NOS1: variants seen among roughly 807,000 people sequenced by gnomAD.
The protein encoded by NOS1 is NOS type I.
NOS1 carries 51 observed loss-of-function variants against 164.5 expected under a neutral mutation model. That is an observed-to-expected ratio of 0.31 (90% CI 0.25 to 0.39). The LOEUF (loss-of-function observed/expected upper bound fraction) is 0.39, where lower values mean the gene tolerates loss of function less well. Ranked by LOEUF, NOS1 falls within the 10% of genes least tolerant of loss-of-function variation. NOS1 has a pLI of 1.00. For missense variants in NOS1, 1,362 were observed against 1,885.6 expected (o/e 0.72, Z 5.14); for synonymous variants, 719 against 745.8 (o/e 0.96, Z 0.59).
chr12:117,227,378 G>GGCCCCTT (rs1310606018), intron 23 of NOS1, 53 bp downstream of exon 23: 24 of 1,570,516 alleles, frequency 1.5e-5, no homozygotes, highest in Non-Finnish European at 2.1e-5. Flanking sequence ...ACCCTCCAGA[G>GGCCCCTT]GCCCCTTGGG....
chr12:117,340,066 G>GCAA (rs1876024958), intron 1 of NOS1, among the ~76,000 whole-genome samples: 1 of 152,094 alleles, frequency 6.6e-6, no homozygotes, highest in Non-Finnish European at 1.5e-5. Context: ...GGGCAGTGGT[G>GCAA]TAATAACAGC....
chr12:117,215,581 T>C (rs1956594217), intron 28 of NOS1, among the ~76,000 whole-genome samples: 1 of 152,010 alleles, frequency 6.6e-6, no homozygotes, highest in South Asian at 2.1e-4. Flanking sequence ...TACAGGTGCC[T>C]GCCACCACGC....
At chr12:117,298,154 G>C (rs921050742) in intron 3 of NOS1, among the ~76,000 whole-genome samples, 12 of 151,910 alleles carry the variant, frequency 7.9e-5, no homozygotes, top group Admixed American at 3.3e-4. Context: ...CACTGAGCTT[G>C]TTTTCTGCAA....
intron 3 of NOS1, among the ~76,000 whole-genome samples, chr12:117,292,479 G>T (rs997840596): frequency 3.9e-5 from 6 of 152,196 alleles, no homozygotes; most frequent in African/African-American, 1.2e-4. Flanking sequence ...GATCAAATGA[G>T]CTGGATCAAA....
chr12:117,217,236 G>C (rs992893427), intron 28 of NOS1, among the ~76,000 whole-genome samples: 1 of 152,176 alleles, frequency 6.6e-6, no homozygotes, highest in Non-Finnish European at 1.5e-5. Flanking sequence ...CTGGTGGAAA[G>C]GACACAAAAA....
At chr12:117,310,932 C>T (rs1874398413) in intron 3 of NOS1, among the ~76,000 whole-genome samples, 1 of 152,118 alleles carries the variant, frequency 6.6e-6, no homozygotes, top group Non-Finnish European at 1.5e-5. Flanking sequence ...GTGGTGCAAT[C>T]TCGGCTCACT....
chr12:117,300,628 T>A (rs1873757057), intron 3 of NOS1, among the ~76,000 whole-genome samples: 1 of 151,672 alleles, frequency 6.6e-6, no homozygotes, highest in African/African-American at 2.4e-5. Flanking sequence ...TGGTGGGGGG[T>A]CTGCTGGTTT....
intron 1 of NOS1, 115 bp from the exon 2 acceptor site, chr12:117,331,604 G>C (rs1483739090): frequency 1.3e-5 from 2 of 152,666 alleles, no homozygotes; most frequent in Non-Finnish European, 2.9e-5. Flanking sequence ...ACAAAGTCTA[G>C]ACACAAGACA....
chr12:117,333,174 T>C (rs1875632141), intron 1 of NOS1, among the ~76,000 whole-genome samples: 1 of 152,144 alleles, frequency 6.6e-6, no homozygotes, highest in African/African-American at 2.4e-5. Flanking sequence ...AATTATTAGT[T>C]TGTTGCAAGT....
rs530631625 is a variant in NOS1 at position 117,346,145 on chromosome 12, A to G, written c.-420-14656T>C. On this transcript the variant is annotated intron_variant, in intron 1 of 28. Transcript: ENST00000317775. ...TGGCATGGCCCATTACAAATGAGTG[A>G]ATGAATGAGACTTCAGACACTTGGT... Among the ~76,000 whole-genome samples, 8 of 152,314 alleles carry G rather than the reference A, an allele frequency of 5.3e-5. No homozygotes were observed. The South Asian group carries it at 1.7e-3, about 32-fold the overall frequency.
intron 1 of NOS1, among the ~76,000 whole-genome samples, chr12:117,336,579 A>G (rs1177819799): frequency 6.6e-6 from 1 of 152,224 alleles, no homozygotes; most frequent in Non-Finnish European, 1.5e-5. Flanking sequence ...CTCAGAAGTC[A>G]CCACTAAAGA....
At chr12:117,242,477 C>T (rs912995254) in intron 20 of NOS1, 150 bp downstream of exon 20, 3 of 669,946 alleles carry the variant, frequency 4.5e-6, no homozygotes, top group African/African-American at 3.6e-5. Flanking sequence ...AAGCAGGAAC[C>T]CCAGACACTA....
chr12:117,256,284 G>GTTGTTTTTTTTTTTTTTTTTTTT (rs549611283), intron 16 of NOS1, among the ~76,000 whole-genome samples: 19 of 118,450 alleles, frequency 1.6e-4, no homozygotes, highest in African/African-American at 6.5e-4. Flanking sequence ...GGGATTTTCT[G>GTTGTTTTTTTTTTTTTTTTTTTT]TTTTTTTTTT....
chr12:117,286,161 C>T lies in NOS1; in HGVS notation c.1233G>A (p.Lys411=). ...AGCGCGAGGCATTCCGCCAGGCGTG[C>T]TTGGCCCCATAGATGAGCTCTGTGT... The part of the protein sequence containing the change: ...LKDTELIYGA[K]HAWRNASRCV... Residue 411 remains lysine, a synonymous_variant, in exon 6 of 29, where the codon AAG becomes AAA. Coordinates refer to ENST00000317775, the MANE Select transcript of NOS1 (RefSeq NM_000620.5). 6.2e-7 allele frequency: 1 copy of T among 1,614,244 alleles called. No individual in the cohort carries two copies. The highest frequency in any genetic ancestry group is 8.5e-7 in the Non-Finnish European group (1 of 1,180,046).
chr12:117,222,030 A>G (rs1308023969), intron 26 of NOS1, among the ~76,000 whole-genome samples: 1 of 152,004 alleles, frequency 6.6e-6, no homozygotes, highest in African/African-American at 2.4e-5. Flanking sequence ...TGTATGACTC[A>G]GTGGCATTAA....
chr12:117,243,246 G>A lies in NOS1; in HGVS notation c.2962+51C>T, dbSNP rs1048480838. On this transcript the variant is annotated intron_variant, in intron 19 of 28. Coordinates refer to ENST00000317775, the MANE Select transcript of NOS1 (RefSeq NM_000620.5). This position sits in a 1 kb window ranked among gnomAD's most constrained non-coding sequence, Gnocchi z 4.3. The stretch of plus-strand genomic sequence containing the variant: ...GCACCTTCTGGAGGTGAGATCACCT[G>A]CCTTTCCCCCATTGTCACGAATACC... The A allele has an allele frequency of 7.5e-6, 12 of 1,604,808 alleles. No individual in the cohort carries two copies. Among genetic ancestry groups the A allele is most frequent in the Non-Finnish European group, 8.5e-6 (10 of 1,175,514 alleles).
At chr12:117,355,316 A>T (rs931296858) in intron 1 of NOS1, among the ~76,000 whole-genome samples, 2 of 152,230 alleles carry the variant, frequency 1.3e-5, no homozygotes, top group Admixed American at 6.5e-5. Context: ...GAATAGGGCC[A>T]CCTTTCTCTT....
rs867355963 is a variant in NOS1 at position 117,331,258 on chromosome 12, G to A, written c.-189C>T. ...GTCACCCACTCATGGCTGGTGGCCCGTCGGTGGCATGATTTCCTGCATCCG... is the reference window on the plus strand; with the variant it reads ...GTCACCCACTCATGGCTGGTGGCCCATCGGTGGCATGATTTCCTGCATCCG... On this transcript the variant is annotated 5_prime_UTR_variant, in exon 2 of 29. In the 5' UTR this introduces an upstream ATG that the reference lacks. Transcript: ENST00000317775. 2.3e-5 allele frequency: 15 copies of A among 640,620 alleles called. No homozygotes were observed. Among genetic ancestry groups the A allele is most frequent in the African/African-American group, 5.5e-5 (3 of 54,768 alleles). The allele number at this position is 640,620 out of a possible 1,614,324, so 39.7% of individuals were successfully genotyped here.
intron 20 of NOS1, among the ~76,000 whole-genome samples, chr12:117,239,127 C>G (rs1869959656): frequency 6.6e-6 from 1 of 152,164 alleles, no homozygotes; most frequent in Non-Finnish European, 1.5e-5. Flanking sequence ...TGGCTGAAGC[C>G]AAATGTTGAT....
Sources: allele counts gnomAD v4.1 joint callset (sites outside exome capture counted in the v4.1 genomes callset), GRCh38; gene constraint gnomAD v4.1.1; non-coding constraint Gnocchi (gnomAD v3.1); transcripts MANE v1.5; gene names NCBI Gene and HGNC (gene_info 2026-07-23, HGNC 2026-07-21).